The following MCM3AP variants were observed in gnomAD, a reference collection of about 807,000 sequenced individuals.
MCM3AP encodes the protein minichromosome maintenance complex component 3 associated protein, also known as germinal-center associated nuclear protein.
In MCM3AP, 126 loss-of-function variants were observed where a neutral mutation model predicts 184.1. The ratio of observed to expected loss-of-function variants is 0.68; its 90% confidence interval spans 0.59 to 0.79. MCM3AP has a LOEUF of 0.79. MCM3AP is among the 30% of genes least tolerant of loss of function. The probability of loss-of-function intolerance (pLI) is 0.00; values close to 1 mark genes in which losing one functional copy is unlikely to be tolerated. For synonymous variants in MCM3AP, 1,002 were observed against 979.3 expected (o/e 1.02, Z -0.43); for missense variants, 2,496 against 2,479.2 (o/e 1.01, Z -0.14).
Position 46,284,262 on chromosome 21 carries a change from A to G in MCM3AP, c.1025T>C (p.Ile342Thr). Reference protein sequence around the residue: ...PRGGTLFGRTIQDVFKSNKEV... With the variant: ...PRGGTLFGRTTQDVFKSNKEV... ...CTTATTGCTTTTGAAAACATCCTGT[A>G]TCGTCCGACCAAATAAAGTACCTCC... The change falls in exon 1 of 28, where the codon ATA becomes ACA. Residue 342 changes from isoleucine (I) to threonine (T), a missense_variant. Ile to Thr is a moderately conservative substitution (Grantham distance 89). Coordinates refer to ENST00000291688, the MANE Select transcript of MCM3AP (RefSeq NM_003906.5). The G allele has an allele frequency of 1.2e-6, 2 of 1,614,142 alleles. No individual in the cohort carries two copies. Among genetic ancestry groups the G allele is most frequent in the Non-Finnish European group, 1.7e-6 (2 of 1,180,030 alleles).
At chr21:46,255,135 G>A (rs1412452812) in intron 17 of MCM3AP, among the ~76,000 whole-genome samples, 1 of 152,198 alleles carries the variant, frequency 6.6e-6, no homozygotes, top group Non-Finnish European at 1.5e-5. Flanking sequence ...CGGCACTGTG[G>A]GCAAATGCTG....
rs757521193 is a variant in MCM3AP at position 46,285,067 on chromosome 21, C to T, written c.220G>A (p.Gly74Arg). The T allele has an allele frequency of 6.8e-6, 11 of 1,614,164 alleles. No individual in the cohort carries two copies. The highest frequency in any genetic ancestry group is 8.5e-6 in the Non-Finnish European group (10 of 1,180,024). ...VSHSSSVQTL[G>R]FTQTSSVGPF... ...CCAACACTTGAGGTTTGGGTGAACC[C>T]TAATGTTTGCACTGAAGAGGAATGA... The change falls in exon 1 of 28, where the codon GGG (glycine) becomes AGG (arginine). Residue 74 changes from glycine to arginine, a missense_variant. By Grantham distance (125) the Gly-to-Arg change is moderately radical. Transcript: ENST00000291688.
intron 9 of MCM3AP, among the ~76,000 whole-genome samples, chr21:46,268,588 C>T (rs2081141808): frequency 1.3e-5 from 2 of 152,224 alleles, no homozygotes; most frequent in African/African-American, 2.4e-5. Context: ...GTGGAGACAG[C>T]GCCGTGCGGC....
In MCM3AP at chr21:46,284,864, T is replaced by C. The variant is rs779977773; in HGVS notation, c.423A>G (p.Lys141=). Residue 141 remains lysine, a synonymous_variant, in exon 1 of 28, where the codon AAA becomes AAG. Transcript: ENST00000291688. ...AGEIVNSGFG[K]TEFSFKPLEN... ...CCAGAGGTTTAAAGCTGAATTCTGT[T>C]TTCCCAAAACCAGAGTTCACTATTT... The C allele has an allele frequency of 2.5e-6, 4 of 1,614,050 alleles. No homozygotes were observed. In the African/African-American group the frequency reaches 5.3e-5, roughly 22 times the overall value.
intron 26 of MCM3AP, among the ~76,000 whole-genome samples, chr21:46,239,850 C>T (rs1004068459): frequency 6.6e-6 from 1 of 151,816 alleles, no homozygotes; most frequent in African/African-American, 2.4e-5. Context: ...AGGAGGGGGA[C>T]CACGGACATC....
chr21:46,245,665 C>T (rs2080754476), intron 22 of MCM3AP, among the ~76,000 whole-genome samples: 1 of 150,240 alleles, frequency 6.7e-6, no homozygotes. Flanking sequence ...TCCCCCTGCC[C>T]TATTTTTTTT....
rs184887796 is a variant in MCM3AP, at chr21:46,238,530, A to G, written c.5634-1551T>C. Among the ~76,000 whole-genome samples, 21 of 119,644 alleles carry G rather than the reference A, an allele frequency of 1.8e-4. 8 individuals carry two copies. The highest frequency in any genetic ancestry group is 3.4e-4 in the Non-Finnish European group (19 of 56,466). 78.5% of individuals were successfully genotyped at this position (119,644 alleles called of 152,430 possible). ...CAAGACCAGCCTGGCCAACATGGTG[A>G]AACTGCGTCTCTACTAAAAATACAA... On this transcript the variant is annotated intron_variant, in intron 26 of 27. Coordinates refer to ENST00000291688, the MANE Select transcript of MCM3AP (RefSeq NM_003906.5).
At position 46,236,886 on chromosome 21, in the gene MCM3AP, C is replaced by T. The variant is rs150410111; in HGVS notation, c.5727G>A (p.Val1909=). 1.3e-3 allele frequency: 2,049 copies of T among 1,566,992 alleles called. 11 individuals are homozygous for T. Among genetic ancestry groups the T allele is most frequent in the Non-Finnish European group, 1.5e-3 (1,705 of 1,162,146 alleles). The part of the protein sequence containing the change: ...SLPLYLPQTL[V]SLSHTIEPVM... ...CAGGTTCAATAGTGTGAGAAAGAGA[C>T]ACTAGAGTCTGAGGAAGATAGAGGG... The change falls in exon 27 of 28, where the codon GTG becomes GTA. Residue 1909 remains valine, a synonymous_variant. Transcript: ENST00000291688.
At chr21:46,239,097 T>C (rs1044304803) in intron 26 of MCM3AP, among the ~76,000 whole-genome samples, 1 of 152,172 alleles carries the variant, frequency 6.6e-6, no homozygotes, top group Non-Finnish European at 1.5e-5. Flanking sequence ...TGGACAGTCC[T>C]AGGCAAAAGG....
At chr21:46,245,815 T>C (rs1170388800) in intron 22 of MCM3AP, among the ~76,000 whole-genome samples, 1 of 152,164 alleles carries the variant, frequency 6.6e-6, no homozygotes, top group Non-Finnish European at 1.5e-5. Flanking sequence ...ACTTCCTTTT[T>C]AAAGGAAACA....
intron 16 of MCM3AP, among the ~76,000 whole-genome samples, chr21:46,257,606 G>A (rs909363991): frequency 2.0e-5 from 3 of 151,318 alleles, no homozygotes; most frequent in African/African-American, 4.9e-5. Context: ...AACAGTCACT[G>A]CAACAGTCTT....
intron 24 of MCM3AP, 134 bp downstream of exon 24, chr21:46,243,331 A>G: frequency 1.9e-6 from 2 of 1,066,714 alleles, no homozygotes; most frequent in African/African-American, 1.6e-5. Context: ...TCACTTGAAG[A>G]GGGAAGTCCT....
chr21:46,269,763 G>A (rs1031087307), intron 9 of MCM3AP, among the ~76,000 whole-genome samples: 3 of 152,210 alleles, frequency 2.0e-5, no homozygotes, highest in Non-Finnish European at 4.4e-5. Context: ...CGCTCTGTGC[G>A]GTGGGCCGCG....
intron 20 of MCM3AP, 153 bp from the exon 21 acceptor site, chr21:46,247,039 T>G: frequency 1.5e-6 from 1 of 653,574 alleles, no homozygotes; most frequent in Admixed American, 2.9e-5. Flanking sequence ...GGGCATACCC[T>G]GTAGTTATCT....
intron 12 of MCM3AP, among the ~76,000 whole-genome samples, chr21:46,265,044 A>G (rs924949337): frequency 2.0e-5 from 3 of 152,246 alleles, no homozygotes; most frequent in Non-Finnish European, 2.9e-5. Flanking sequence ...GGGGCGCACA[A>G]TGCTGCCAAT....
chr21:46,274,059 G>A (rs1287558152), intron 6 of MCM3AP, among the ~76,000 whole-genome samples: 2 of 152,212 alleles, frequency 1.3e-5, no homozygotes, highest in Admixed American at 1.3e-4. Context: ...GGCTGAAGAC[G>A]TGGCCAAGGG....
At chr21:46,278,708 C>G (rs2081285301) in intron 4 of MCM3AP, among the ~76,000 whole-genome samples, 1 of 151,758 alleles carries the variant, frequency 6.6e-6, no homozygotes, top group South Asian at 2.1e-4. Flanking sequence ...GGGTCTCGCT[C>G]TGTTGCCCAG....
chr21:46,262,228 C>T (rs1036175846), intron 13 of MCM3AP, among the ~76,000 whole-genome samples: 3 of 152,164 alleles, frequency 2.0e-5, no homozygotes, highest in Non-Finnish European at 4.4e-5. Flanking sequence ...TAAACACTAA[C>T]GAAAAACTAA....
At chr21:46,251,374 G>T in intron 20 of MCM3AP, 155 bp downstream of exon 20, 1 of 534,274 alleles carries the variant, frequency 1.9e-6, no homozygotes, top group Non-Finnish European at 3.1e-6. Context: ...TTTTTTAAAC[G>T]ACATGTACGG....
Sources: allele counts gnomAD v4.1 joint callset (sites outside exome capture counted in the v4.1 genomes callset), GRCh38; gene constraint gnomAD v4.1.1; transcripts MANE v1.5; gene names NCBI Gene and HGNC (gene_info 2026-07-23, HGNC 2026-07-21).